The following ADGRV1 variants were observed in gnomAD, a reference collection of about 807,000 sequenced individuals.
ADGRV1 encodes the protein G-protein coupled receptor 98.
ADGRV1 carries 359 observed loss-of-function variants against 596.2 expected under a neutral mutation model. The observed-to-expected ratio is 0.60, with a 90% CI of 0.55 to 0.66. ADGRV1 has a LOEUF of 0.66. Ranked by LOEUF, ADGRV1 falls within the 30% of genes least tolerant of loss-of-function variation. The pLI is 0.00. For missense variants in ADGRV1, 7,274 were observed against 7,575.6 expected (o/e 0.96, Z 1.48); for synonymous variants, 2,681 against 2,679.2 (o/e 1.00, Z -0.02).
chr5:90,876,148 G>C (rs1333084655), intron 83 of ADGRV1, among the ~76,000 whole-genome samples: 2 of 152,044 alleles, frequency 1.3e-5, no homozygotes, highest in East Asian at 3.9e-4. Flanking sequence ...TAACCTATGA[G>C]TAGTTGAAAG....
intron 83 of ADGRV1, among the ~76,000 whole-genome samples, chr5:90,944,275 ACT>A (rs1776395542): frequency 1.3e-5 from 2 of 151,950 alleles, no homozygotes; most frequent in Admixed American, 1.3e-4. Flanking sequence ...GTAGTATGTG[ACT>A]CTGTTTTTTA....
At chr5:90,583,211 C>T (rs889558952) in intron 1 of ADGRV1, among the ~76,000 whole-genome samples, 5 of 152,130 alleles carry the variant, frequency 3.3e-5, no homozygotes, top group Non-Finnish European at 7.4e-5. Flanking sequence ...GTAGTTGAGA[C>T]CTTAGTATAA....
At chr5:90,914,393 T>G (rs1177846288) in intron 83 of ADGRV1, among the ~76,000 whole-genome samples, 1 of 152,106 alleles carries the variant, frequency 6.6e-6, no homozygotes, top group Non-Finnish European at 1.5e-5. Flanking sequence ...TCACAACAAA[T>G]CTTTGAATGA....
intron 85 of ADGRV1, among the ~76,000 whole-genome samples, chr5:91,068,361 C>G (rs1788070807): frequency 6.6e-6 from 1 of 151,404 alleles, no homozygotes; most frequent in African/African-American, 2.4e-5. Context: ...CCCAGCTACT[C>G]AGGAGGCTGA....
At chr5:90,926,708 T>C (rs1774508767) in intron 83 of ADGRV1, among the ~76,000 whole-genome samples, 1 of 149,500 alleles carries the variant, frequency 6.7e-6, no homozygotes, top group East Asian at 2.0e-4. Flanking sequence ...CTTTTCTAGT[T>C]CTTTTAATTG....
chr5:91,017,126 A>C (rs1366869849), intron 85 of ADGRV1, among the ~76,000 whole-genome samples: 1 of 151,922 alleles, frequency 6.6e-6, no homozygotes, highest in Non-Finnish European at 1.5e-5. Context: ...GATATATGTG[A>C]CTCATGAAGA....
chr5:91,046,394 G>A (rs1785811983), intron 85 of ADGRV1, among the ~76,000 whole-genome samples: 1 of 152,034 alleles, frequency 6.6e-6, no homozygotes, highest in Non-Finnish European at 1.5e-5. Context: ...GACAAAGCAA[G>A]CAAAAACATA....
intron 85 of ADGRV1, among the ~76,000 whole-genome samples, chr5:90,987,489 AATT>A (rs1317311368): frequency 4.6e-5 from 7 of 151,464 alleles, no homozygotes; most frequent in African/African-American, 1.5e-4. Context: ...AAAAAAAAAA[AATT>A]ATTAGATCAG....
At chr5:90,569,255 T>C (rs564153107) in intron 1 of ADGRV1, among the ~76,000 whole-genome samples, 17 of 150,734 alleles carry the variant, frequency 1.1e-4, no homozygotes. Context: ...CACCGTTAGT[T>C]ACAATGGCAA....
intron 21 of ADGRV1, among the ~76,000 whole-genome samples, chr5:90,666,886 A>G (rs1203851748): frequency 6.6e-6 from 1 of 151,272 alleles, no homozygotes; most frequent in Non-Finnish European, 1.5e-5. Context: ...GTTTGGCTGG[A>G]TATGAAATTC....
intron 85 of ADGRV1, among the ~76,000 whole-genome samples, chr5:91,053,037 TA>T (rs1045618449): frequency 1.3e-5 from 2 of 152,194 alleles, no homozygotes; most frequent in African/African-American, 4.8e-5. Flanking sequence ...CTACACTTCC[TA>T]AGGCCCCTCC....
intron 43 of ADGRV1, among the ~76,000 whole-genome samples, chr5:90,719,532 A>G (rs1031734880): frequency 6.6e-6 from 1 of 152,052 alleles, no homozygotes. Context: ...TCTTTCACTC[A>G]ATATAATGTT....
chr5:90,698,985 A>G (rs1284484043), intron 34 of ADGRV1, among the ~76,000 whole-genome samples: 1 of 152,156 alleles, frequency 6.6e-6, no homozygotes, highest in Non-Finnish European at 1.5e-5. Flanking sequence ...ATGAATTTTA[A>G]AGGAGTATTG....
chr5:91,056,592 G>C (rs1016604383), intron 85 of ADGRV1, among the ~76,000 whole-genome samples: 12 of 151,934 alleles, frequency 7.9e-5, no homozygotes, highest in African/African-American at 2.9e-4. Flanking sequence ...TGCTTCAAAT[G>C]CCCAATGACA....
In ADGRV1 at chr5:90,778,460, T is replaced by C. The variant is rs776576964; in HGVS notation, c.12700T>C (p.Phe4234Leu). 9.3e-6 allele frequency: 15 copies of C among 1,612,966 alleles called. No individual in the cohort carries two copies. Among genetic ancestry groups the C allele is most frequent in the Non-Finnish European group, 1.3e-5 (15 of 1,179,494 alleles). Residue 4234 changes from phenylalanine to leucine, a missense_variant, in exon 63 of 90, where the codon TTC (phenylalanine) becomes CTC (leucine). Physicochemically the swap from Phe to Leu is conservative, Grantham distance 22 (BLOSUM62 0). Around this residue, in one of 5 missense-constraint regions of ADGRV1, gnomAD observed 3,643 missense variants for 3,809.2 expected, o/e 0.96. Coordinates refer to ENST00000405460, the MANE Select transcript of ADGRV1 (RefSeq NM_032119.4). ...LNDDIPEEKS[F>L]YEFQLTAVSE... ...CGATGACATTCCCGAGGAAAAAAGC[T>C]TCTATGAGTTTCAGCTCACTGCAGT...
chr5:90,643,160 C>T (rs1269687622), intron 13 of ADGRV1, 119 bp downstream of exon 13: 1 of 899,710 alleles, frequency 1.1e-6, no homozygotes, highest in Non-Finnish European at 1.6e-6. Context: ...CAAGAAAAGA[C>T]TGAGAAGTAC....
chr5:90,636,880 A>C (rs6879160), intron 10 of ADGRV1, among the ~76,000 whole-genome samples: 7,373 of 152,218 alleles, frequency 0.048, 575 homozygotes, highest in African/African-American at 0.17. Flanking sequence ...GAATAGTGTA[A>C]TCTAGCATTA....
At chr5:90,681,831 TC>T in intron 27 of ADGRV1, among the ~76,000 whole-genome samples, 1 of 100,642 alleles carries the variant, frequency 9.9e-6, no homozygotes, top group East Asian at 3.7e-4. Context: ...CCTCACTCCG[TC>T]CCTCCCTCCC....
chr5:90,829,158 T>G lies in ADGRV1; in HGVS notation c.16583T>G (p.Leu5528Arg), dbSNP rs1327831916. 1 of 1,584,270 alleles carries G rather than the reference T, an allele frequency of 6.3e-7. No individual in the cohort carries two copies. The highest frequency in any genetic ancestry group is 1.7e-5 in the Admixed American group (1 of 58,766). ...GTGGCCAGAGATTCTGGGACAGGAC[T>G]AATGATGTCTGTTAACTTTAGTACC... ...LQVARDSGTG[L>R]MMSVNFSTQE... Residue 5528 changes from leucine (L) to arginine (R), a missense_variant, in exon 77 of 90, where the codon CTA (leucine) becomes CGA (arginine). Around this residue, in one of 5 missense-constraint regions of ADGRV1, gnomAD observed 1,874 missense variants for 1,970.2 expected, o/e 0.95. Coordinates refer to ENST00000405460, the MANE Select transcript of ADGRV1 (RefSeq NM_032119.4).
Sources: allele counts gnomAD v4.1 joint callset (sites outside exome capture counted in the v4.1 genomes callset), GRCh38; gene constraint gnomAD v4.1.1; regional missense constraint gnomAD v4.1.1; transcripts MANE v1.5; gene names NCBI Gene and HGNC (gene_info 2026-07-23, HGNC 2026-07-21).